XK: variants seen among roughly 807,000 people sequenced by gnomAD.
XK encodes endoplasmic reticulum membrane adapter protein XK.
In XK, 2 loss-of-function variants were observed where a neutral mutation model predicts 14.0. The observed-to-expected ratio is 0.14, with a 90% CI of 0.06 to 0.45. XK has a LOEUF of 0.45. Ranked by LOEUF, XK falls within the 20% of genes least tolerant of loss-of-function variation. The pLI is 0.98. For missense variants in XK, 235 were observed against 341.5 expected, an observed-to-expected ratio of 0.69 and a Z score of 2.46; for synonymous variants, 149 against 147.5, an observed-to-expected ratio of 1.01 and a Z score of -0.08.
Position 37,727,648 on chromosome X carries a change from C to T in XK, c.521C>T (p.Thr174Ile). 1 of 1,209,317 alleles carries T rather than the reference C, an allele frequency of 8.3e-7. No homozygotes were observed. The change falls in exon 3 of 3, where the codon ACC becomes ATC. Residue 174 changes from threonine to isoleucine, a missense_variant. Coordinates refer to ENST00000378616, the MANE Select transcript of XK (RefSeq NM_021083.4). The part of the protein sequence containing the change: ...DVTVGRSLLM[T>I]ISLLSIVYGA... ...CTTTTCTCCCCAGGTCTCCTCATGA[C>T]CATATCCCTGTTGTCCATTGTGTAT...
chrX:37,728,216 T>C lies in XK; in HGVS notation c.1089T>C (p.Ile363=), dbSNP rs1556450524. The C allele has an allele frequency of 8.3e-7, 1 of 1,211,435 alleles. No individual in the cohort carries two copies. The highest frequency in any genetic ancestry group is 1.1e-6 in the Non-Finnish European group (1 of 895,380). Residue 363 remains isoleucine, a synonymous_variant, in exon 3 of 3, where the codon ATT becomes ATC. Coordinates refer to ENST00000378616, the MANE Select transcript of XK (RefSeq NM_021083.4). ...LQLLIGYCTA[I]LFMLVFYQFF... is the part of the protein sequence containing the mutation. ...TGCTCATTGGGTACTGCACAGCCAT[T>C]CTCTTCATGCTTGTATTCTATCAGT...
intron 2 of XK, among the ~76,000 whole-genome samples, chrX:37,707,589 G>A (rs188487059): frequency 0.02 from 2,221 of 110,176 alleles, 51 homozygotes; most frequent in African/African-American, 0.07. Context: ...GGGCAGAGAT[G>A]CTCCTCACCT....
intron 1 of XK, among the ~76,000 whole-genome samples, chrX:37,693,651 G>A (rs1410282144): frequency 9.0e-6 from 1 of 111,658 alleles, no homozygotes; most frequent in Non-Finnish European, 1.9e-5. Flanking sequence ...CTTTAGTCCC[G>A]CCCTGTAAGG....
Position 37,686,391 on chromosome X carries a change from G to A in XK, c.245+185G>A, listed in dbSNP as rs150420512. On this transcript the variant is annotated intron_variant, in intron 1 of 2. Coordinates refer to ENST00000378616, the MANE Select transcript of XK (RefSeq NM_021083.4). ...GAACGCGACGAATCATGGCATAATG[G>A]TTATAAAGTTGGGGCACACTGAATT... Among the ~76,000 whole-genome samples, 36 of 112,526 alleles carry A rather than the reference G, an allele frequency of 3.2e-4. No homozygotes were observed. The East Asian group carries it at 0.01, about 31-fold the overall frequency.
intron 2 of XK, among the ~76,000 whole-genome samples, chrX:37,707,310 A>AC (rs1292296088): frequency 4.0e-5 from 4 of 100,702 alleles, no homozygotes; most frequent in African/African-American, 1.5e-4. Flanking sequence ...GCGGGGGCTG[A>AC]CCCCCACCTC....
intron 2 of XK, among the ~76,000 whole-genome samples, chrX:37,699,443 C>T (rs1220154572): frequency 1.8e-5 from 2 of 111,804 alleles, no homozygotes; most frequent in Admixed American, 1.9e-4. Flanking sequence ...TAAGATAACC[C>T]AAAGGACAGA....
At chrX:37,720,632 A>G (rs782526805) in intron 2 of XK, among the ~76,000 whole-genome samples, 1 of 110,806 alleles carries the variant, frequency 9.0e-6, no homozygotes, top group African/African-American at 3.3e-5. Flanking sequence ...AATAATGTAC[A>G]TTGTACATTA....
At chrX:37,707,542 G>C (rs1327685439) in intron 2 of XK, among the ~76,000 whole-genome samples, 1 of 107,139 alleles carries the variant, frequency 9.3e-6, no homozygotes, top group East Asian at 2.9e-4. Flanking sequence ...GGCGGCTGCC[G>C]GGCGGAGGGG....
chrX:37,705,725 TTTTTTC>T (rs1334718414), intron 2 of XK, among the ~76,000 whole-genome samples: 2 of 110,281 alleles, frequency 1.8e-5, no homozygotes, highest in African/African-American at 3.3e-5. Context: ...CCTCTTTTCT[TTTTTTC>T]TTTTTCTTTT....
chrX:37,716,047 A>C (rs1375803280), intron 2 of XK, among the ~76,000 whole-genome samples: 1 of 111,913 alleles, frequency 8.9e-6, no homozygotes, highest in African/African-American at 3.3e-5. Flanking sequence ...CCACCTCCAC[A>C]CAAGGGTGTC....
At chrX:37,693,305 G>T (rs184480489) in intron 1 of XK, among the ~76,000 whole-genome samples, 163 of 111,669 alleles carry the variant, frequency 1.5e-3, no homozygotes, top group African/African-American at 4.9e-3. Flanking sequence ...CTACGGCCAT[G>T]AATATTTTTC....
At chrX:37,701,393 C>A (rs1340124186) in intron 2 of XK, among the ~76,000 whole-genome samples, 2 of 112,537 alleles carry the variant, frequency 1.8e-5, no homozygotes, top group African/African-American at 6.5e-5. Context: ...GGTGTCACAT[C>A]AAGTGTTGTA....
chrX:37,717,470 A>G (rs139750992), intron 2 of XK, among the ~76,000 whole-genome samples: 71 of 112,157 alleles, frequency 6.3e-4, no homozygotes, highest in Middle Eastern at 4.6e-3. Context: ...AATTCTTACA[A>G]TAGTCCCTTG....
intron 2 of XK, among the ~76,000 whole-genome samples, chrX:37,702,497 A>G (rs1329965275): frequency 3.6e-5 from 4 of 112,394 alleles, no homozygotes; most frequent in Admixed American, 2.8e-4. Flanking sequence ...GACATCTTAA[A>G]AGAAAATTAA....
chrX:37,691,907 C>T (rs1927210295), intron 1 of XK, among the ~76,000 whole-genome samples: 1 of 111,141 alleles, frequency 9.0e-6, no homozygotes, highest in African/African-American at 3.3e-5. Context: ...GTGAGGGTCC[C>T]TTGAGGCCAG....
chrX:37,712,577 A>T (rs1556446931), intron 2 of XK, among the ~76,000 whole-genome samples: 1 of 112,231 alleles, frequency 8.9e-6, no homozygotes, highest in Non-Finnish European at 1.9e-5. Flanking sequence ...GATAGCGAGA[A>T]TATGGGGTAC....
chrX:37,726,398 A>T (rs1556450003), intron 2 of XK, among the ~76,000 whole-genome samples: 1 of 112,141 alleles, frequency 8.9e-6, no homozygotes, highest in African/African-American at 3.2e-5. Context: ...AGAAAACAGA[A>T]CCCAGAGAGG....
At chrX:37,693,186 A>G (rs1556441774) in intron 1 of XK, among the ~76,000 whole-genome samples, 1 of 112,231 alleles carries the variant, frequency 8.9e-6, no homozygotes, top group African/African-American at 3.2e-5. Flanking sequence ...TATAACATAA[A>G]CATTCAATGA....
chrX:37,703,700 G>A (rs1927457831), intron 2 of XK, among the ~76,000 whole-genome samples: 1 of 111,750 alleles, frequency 8.9e-6, no homozygotes, highest in Admixed American at 9.5e-5. Flanking sequence ...ATGATGGCCT[G>A]GCCTTCCTTA....
Sources: gnomAD v4.1 joint callset for allele counts (sites outside exome capture counted in the v4.1 genomes callset) on GRCh38, gnomAD v4.1.1 for gene constraint, MANE v1.5 for transcripts, NCBI Gene and HGNC (gene_info 2026-07-23, HGNC 2026-07-21) for gene names.